Variants in ACSM3 observed in about 807,000 individuals in gnomAD.
The protein encoded by ACSM3 is acyl-CoA synthetase medium chain family member 3.
In ACSM3, 61 loss-of-function variants were observed where a neutral mutation model predicts 74.1. The observed-to-expected ratio is 0.82, with a 90% CI of 0.67 to 1.02. The LOEUF (loss-of-function observed/expected upper bound fraction) is 1.02. Ranked by LOEUF, ACSM3 falls within the 50% of genes least tolerant of loss-of-function variation. The probability of loss-of-function intolerance (pLI) is 0.00; values close to 1 mark genes in which losing one functional copy is unlikely to be tolerated. For missense variants in ACSM3, 660 were observed against 697.0 expected, an observed-to-expected ratio of 0.95 and a Z score of 0.60; for synonymous variants, 213 against 241.5, an observed-to-expected ratio of 0.88 and a Z score of 1.09.
At chr16:20,709,167 G>A (rs2079735874) in intron 1 of ACSM3, among the ~76,000 whole-genome samples, 1 of 152,182 alleles carries the variant, frequency 6.6e-6, no homozygotes, top group Non-Finnish European at 1.5e-5. Context: ...ATGCTGAATG[G>A]CGTCAACCCA....
chr16:20,792,545 T>C, intron 12 of ACSM3: 3 of 985,428 alleles, frequency 3.0e-6, no homozygotes, highest in Non-Finnish European at 1.2e-6. Flanking sequence ...AAAATAAGGC[T>C]GAAAATACGT....
rs946957876 is a variant in ACSM3, at chr16:20,790,836, A to G, written c.1326+148A>G. ...CTGAATAGTAATCCAAAAGACAAGA[A>G]ATTGAAGAAATACCCAAATTCTTGC... On this transcript the variant is annotated intron_variant, in intron 10 of 13. Coordinates refer to ENST00000289416, the MANE Select transcript of ACSM3 (RefSeq NM_005622.4). This position sits in a 1 kb window ranked among gnomAD's most constrained non-coding sequence, Gnocchi z 4.0. The G allele has an allele frequency of 1.2e-6, 2 of 1,614,036 alleles. No individual in the cohort carries two copies. The highest frequency in any genetic ancestry group is 1.7e-6 in the Non-Finnish European group (2 of 1,179,962).
At chr16:20,721,658 G>A (rs2079786023) in intron 1 of ACSM3, 1 of 152,162 alleles carries the variant, frequency 6.6e-6, no homozygotes, top group Non-Finnish European at 1.5e-5. Context: ...CAGTGGGAGG[G>A]AGTTGGGGGT....
In ACSM3 at chr16:20,790,571, T is replaced by G; in HGVS notation, c.1225-16T>G. On this transcript the variant is annotated splice_polypyrimidine_tract_variant and intron_variant, in intron 9 of 13. Coordinates refer to ENST00000289416, the MANE Select transcript of ACSM3 (RefSeq NM_005622.4). This position sits in a 1 kb window ranked among gnomAD's most constrained non-coding sequence, Gnocchi z 4.0. ...AACAAAAATTTCCTTAAATAAATTG[T>G]TCTATTTTATCCTAGATTGTAGATG... 6.3e-7 allele frequency: 1 copy of G among 1,599,354 alleles called. No homozygotes were observed. Among genetic ancestry groups the G allele is most frequent in the Non-Finnish European group, 8.6e-7 (1 of 1,169,294 alleles).
intron 12 of ACSM3, among the ~76,000 whole-genome samples, chr16:20,794,545 T>C (rs1050948897): frequency 5.9e-5 from 9 of 152,222 alleles, no homozygotes; most frequent in Non-Finnish European, 1.3e-4. Flanking sequence ...TCATATTGAA[T>C]GGCACAGCCA....
chr16:20,796,278 A>C, intron 12 of ACSM3, 92 bp from the exon 13 acceptor site: 5 of 1,533,758 alleles, frequency 3.3e-6, no homozygotes, highest in Non-Finnish European at 4.4e-6. Context: ...CCACCCCACC[A>C]GGCATGTAGA....
Position 20,794,273 on chromosome 16 carries a change from G to A in ACSM3, c.1554+1938G>A, listed in dbSNP as rs2080670549. Among the ~76,000 whole-genome samples the A allele has an allele frequency of 2.0e-5, 3 of 152,214 alleles. No individual in the cohort carries two copies. The South Asian group carries it at 6.2e-4, about 32-fold the overall frequency. ...TGAAATACCATTTTAACATTGGAAT[G>A]TGAAAGACTTGTGGAATATGTGTCT... On this transcript the variant is annotated intron_variant, in intron 12 of 13. Transcript: ENST00000289416.
At chr16:20,785,506 A>T (rs1309468401) in intron 8 of ACSM3, among the ~76,000 whole-genome samples, 1 of 152,128 alleles carries the variant, frequency 6.6e-6, no homozygotes, top group East Asian at 1.9e-4. Context: ...TAGCAACCAT[A>T]CTCTAAAAAG....
intron 1 of ACSM3, among the ~76,000 whole-genome samples, chr16:20,701,108 G>A (rs546484013): frequency 1.1e-4 from 16 of 152,136 alleles, no homozygotes; most frequent in African/African-American, 3.9e-4. Context: ...AATATAAATG[G>A]TAGGTCATAA....
intron 1 of ACSM3, among the ~76,000 whole-genome samples, chr16:20,741,333 C>G (rs1164655176): frequency 1.3e-5 from 2 of 152,242 alleles, no homozygotes; most frequent in Non-Finnish European, 2.9e-5. Flanking sequence ...ACCGATAGCA[C>G]CGAAGTCTGC....
chr16:20,688,131 T>TATAGTAACTAAATAAAC (rs2079587224), intron 1 of ACSM3, among the ~76,000 whole-genome samples: 1 of 148,348 alleles, frequency 6.7e-6, no homozygotes, highest in Non-Finnish European at 1.5e-5. Flanking sequence ...AGCTGAAAAA[T>TATAGTAACTAAATAAAC]ATAGTAACTA....
chr16:20,737,101 G>C (rs768847117), intron 1 of ACSM3: 7 of 1,613,994 alleles, frequency 4.3e-6, no homozygotes, highest in Non-Finnish European at 4.2e-6. Flanking sequence ...CCATTTCCCT[G>C]CTTTGAGTTA....
At chr16:20,676,033 C>T (rs2020255867) in intron 1 of ACSM3, 1 of 152,162 alleles carries the variant, frequency 6.6e-6, no homozygotes, top group African/African-American at 2.4e-5. Context: ...GAATAGAGAC[C>T]CCTCCTCCCT....
intron 1 of ACSM3, among the ~76,000 whole-genome samples, chr16:20,694,557 G>A (rs1161824988): frequency 6.6e-6 from 1 of 152,112 alleles, no homozygotes; most frequent in Non-Finnish European, 1.5e-5. Flanking sequence ...TTTCTATGCA[G>A]GTGTCTATAT....
intron 1 of ACSM3, chr16:20,682,100 CTT>C (rs1017295475): frequency 7.3e-6 from 5 of 687,250 alleles, no homozygotes; most frequent in African/African-American, 7.2e-5. Flanking sequence ...TAACCTGACT[CTT>C]TGTTCAGGGC....
At chr16:20,693,228 A>G (rs72778634) in intron 1 of ACSM3, among the ~76,000 whole-genome samples, 1 of 152,208 alleles carries the variant, frequency 6.6e-6, no homozygotes, top group Non-Finnish European at 1.5e-5. Flanking sequence ...TGCACTTTCC[A>G]ATGGACTGGG....
In ACSM3 at chr16:20,775,948, T is replaced by A. The variant is rs1306837562; in HGVS notation, c.329T>A (p.Ile110Lys). ...TCTCTGTCCAGAAAATTTGCCAATA[T>A]ACTTTCAGAAGCCTGTTCCCTACAA... is the stretch of plus-strand genomic sequence containing the variant. ...LGSLSRKFAN[I>K]LSEACSLQRG... is the part of the protein sequence containing the mutation. Residue 110 changes from isoleucine to lysine, a missense_variant, in exon 3 of 14, where the codon ATA becomes AAA. Transcript: ENST00000289416. The A allele has an allele frequency of 6.2e-7, 1 of 1,614,084 alleles. No individual in the cohort carries two copies. Among genetic ancestry groups the A allele is most frequent in the Non-Finnish European group, 8.5e-7 (1 of 1,180,038 alleles).
chr16:20,788,986 A>G (rs1164353855), intron 9 of ACSM3, among the ~76,000 whole-genome samples: 1 of 152,218 alleles, frequency 6.6e-6, no homozygotes, highest in East Asian at 1.9e-4. Context: ...GATAAGTATT[A>G]TACTTATTCT....
At position 20,730,122 on chromosome 16, in the gene ACSM3, GTCT is replaced by G. The variant is rs1255175272; in HGVS notation, c.-189-19787_-189-19785del. Among the ~76,000 whole-genome samples the G allele has an allele frequency of 2.6e-5, 4 of 152,296 alleles. No homozygotes were observed. In the East Asian group the frequency reaches 7.7e-4, roughly 29 times the overall value. Reference sequence around the variant, plus strand: ...CTGATCGGCCAGACTTGGATCATATGTCTATCATTGGAGGTAGGGGTTGGTGTC... The same window carrying G: ...CTGATCGGCCAGACTTGGATCATATGATCATTGGAGGTAGGGGTTGGTGTC... On this transcript the variant is annotated intron_variant, in intron 1 of 3. Coordinates refer to the ACSM3 transcript ENST00000561584.
Sources: allele counts gnomAD v4.1 joint callset (sites outside exome capture counted in the v4.1 genomes callset), GRCh38; gene constraint gnomAD v4.1.1; non-coding constraint Gnocchi (gnomAD v3.1); transcripts MANE v1.5; gene names NCBI Gene and HGNC (gene_info 2026-07-23, HGNC 2026-07-21).